Variants in CELF4 observed in about 807,000 individuals in gnomAD.
CELF4 encodes the protein CUGBP Elav-like family member 4.
Under a neutral mutation model 59.9 loss-of-function variants are expected in CELF4, and 18 were observed. That is an observed-to-expected ratio of 0.30 (90% confidence interval 0.21 to 0.45). The LOEUF is 0.45. CELF4 is among the 20% of genes least tolerant of loss of function. The probability of loss-of-function intolerance (pLI) is 1.00; values close to 1 mark genes in which losing one functional copy is unlikely to be tolerated. For synonymous variants in CELF4, 261 were observed against 267.1 expected (o/e 0.98, Z 0.22); for missense variants, 456 against 689.0 (o/e 0.66, Z 3.79).
intron 3 of CELF4, among the ~76,000 whole-genome samples, chr18:37,282,009 G>A (rs112280260): frequency 6.6e-6 from 1 of 152,202 alleles, no homozygotes; most frequent in African/African-American, 2.4e-5. Flanking sequence ...GAGGCTGTTT[G>A]TCAAATCCTA....
At chr18:37,449,119 G>A (rs1307572893) in intron 2 of CELF4, among the ~76,000 whole-genome samples, 1 of 152,208 alleles carries the variant, frequency 6.6e-6, no homozygotes, top group Non-Finnish European at 1.5e-5. Context: ...CCCACAGCTG[G>A]TTGCCCCAGC....
At chr18:37,414,351 C>T (rs1786821) in intron 2 of CELF4, among the ~76,000 whole-genome samples, 26,556 of 151,752 alleles carry the variant, frequency 0.17, 2,777 homozygotes, top group Middle Eastern at 0.33. Context: ...TCTATCTACC[C>T]ATCCACCTAT....
chr18:37,488,015 A>G (rs1294483854), intron 1 of CELF4, among the ~76,000 whole-genome samples: 2 of 140,338 alleles, frequency 1.4e-5, no homozygotes, highest in African/African-American at 5.4e-5. Flanking sequence ...GGCCCCACTC[A>G]CTGGTCCCCT....
chr18:37,402,087 C>T (rs1056456798), intron 2 of CELF4, among the ~76,000 whole-genome samples: 1 of 152,232 alleles, frequency 6.6e-6, no homozygotes, highest in Non-Finnish European at 1.5e-5. Context: ...TCACTTGAAA[C>T]CCAGGCATCT....
chr18:37,396,178 A>G (rs953273007), intron 2 of CELF4, among the ~76,000 whole-genome samples: 2 of 152,184 alleles, frequency 1.3e-5, no homozygotes, highest in Non-Finnish European at 2.9e-5. Flanking sequence ...CATTTCTCTC[A>G]GGACTCAGCA....
intron 2 of CELF4, among the ~76,000 whole-genome samples, chr18:37,368,035 G>A (rs1465991711): frequency 6.6e-6 from 1 of 152,096 alleles, no homozygotes; most frequent in Non-Finnish European, 1.5e-5. Context: ...CCAGCCCTGG[G>A]TATAAAGAGC....
At chr18:37,538,755 A>C (rs947489156) in intron 1 of CELF4, among the ~76,000 whole-genome samples, 2 of 152,184 alleles carry the variant, frequency 1.3e-5, no homozygotes, top group Non-Finnish European at 2.9e-5. Context: ...ATAGAAAGCA[A>C]TTCTGACATT....
intron 3 of CELF4, among the ~76,000 whole-genome samples, chr18:37,299,806 C>T (rs1454556619): frequency 6.6e-6 from 1 of 152,172 alleles, no homozygotes; most frequent in East Asian, 1.9e-4. Flanking sequence ...CCCTGTGCTC[C>T]CATGCTTTTT....
rs1353563110 is a variant in CELF4, at chr18:37,503,778, T to C, written c.287-18171A>G. 2.0e-5 allele frequency among the ~76,000 whole-genome samples: 3 copies of C among 152,166 alleles called. No homozygotes were observed. In the East Asian group the frequency reaches 5.8e-4, roughly 29 times the overall value. ...ATGGGTGGGTGGTGCTGGCTTCAAA[T>C]GAGATGGCAGCAGGGAGTACTGAGA... On this transcript the variant is annotated intron_variant, in intron 1 of 12. Coordinates refer to ENST00000420428, the MANE Select transcript of CELF4 (RefSeq NM_020180.4).
intron 2 of CELF4, among the ~76,000 whole-genome samples, chr18:37,337,373 G>A (rs917913015): frequency 2.0e-5 from 3 of 152,146 alleles, no homozygotes; most frequent in Admixed American, 6.5e-5. Context: ...CCTCAATACT[G>A]CCCACCTTTA....
At chr18:37,516,813 T>G (rs999907821) in intron 1 of CELF4, among the ~76,000 whole-genome samples, 5 of 152,190 alleles carry the variant, frequency 3.3e-5, no homozygotes, top group African/African-American at 1.2e-4. Flanking sequence ...CATGGGGCGC[T>G]GGCTCCCAAC....
intron 2 of CELF4, among the ~76,000 whole-genome samples, chr18:37,482,143 G>T (rs2099869395): frequency 6.6e-6 from 1 of 152,128 alleles, no homozygotes; most frequent in African/African-American, 2.4e-5. Flanking sequence ...CCAACTTGGT[G>T]GTCAACTCCA....
At chr18:37,456,259 C>T (rs1603641653) in intron 2 of CELF4, among the ~76,000 whole-genome samples, 1 of 152,236 alleles carries the variant, frequency 6.6e-6, no homozygotes, top group African/African-American at 2.4e-5. Context: ...ACCTCTGTGC[C>T]TTAAAAGAAC....
At chr18:37,441,788 A>G (rs1471326119) in intron 2 of CELF4, among the ~76,000 whole-genome samples, 1 of 151,994 alleles carries the variant, frequency 6.6e-6, no homozygotes, top group Admixed American at 6.6e-5. Flanking sequence ...GGAGCATTCT[A>G]TTCTTGAAGG....
intron 11 of CELF4, 117 bp downstream of exon 11, chr18:37,259,064 T>C (rs1205861176): frequency 6.5e-7 from 1 of 1,529,032 alleles, no homozygotes; most frequent in South Asian, 1.2e-5. Context: ...ACCGGTAGGT[T>C]GGTGCGAGCA....
chr18:37,469,165 T>C (rs767646247), intron 2 of CELF4, among the ~76,000 whole-genome samples: 14 of 152,098 alleles, frequency 9.2e-5, no homozygotes, highest in Non-Finnish European at 2.1e-4. Context: ...CACCATTGGC[T>C]CCTTTGGAGT....
intron 1 of CELF4, among the ~76,000 whole-genome samples, chr18:37,541,814 G>C (rs1173203465): frequency 6.6e-6 from 1 of 151,954 alleles, no homozygotes; most frequent in Non-Finnish European, 1.5e-5. Context: ...TTGGATCTTG[G>C]CTTCACTGTC....
intron 1 of CELF4, among the ~76,000 whole-genome samples, chr18:37,510,248 A>G (rs141840022): frequency 3.3e-5 from 5 of 152,332 alleles, no homozygotes; most frequent in Non-Finnish European, 7.3e-5. Context: ...GAGTTGCAAT[A>G]TTCCAGCCCA....
intron 1 of CELF4, among the ~76,000 whole-genome samples, chr18:37,519,518 A>G (rs893538965): frequency 6.6e-6 from 1 of 152,236 alleles, no homozygotes; most frequent in Non-Finnish European, 1.5e-5. Flanking sequence ...GTTTGGAAGC[A>G]CTAACACAGA....
Sources: allele counts gnomAD v4.1 joint callset (sites outside exome capture counted in the v4.1 genomes callset), GRCh38; gene constraint gnomAD v4.1.1; transcripts MANE v1.5; gene names NCBI Gene and HGNC (gene_info 2026-07-23, HGNC 2026-07-21).